Variants in P2RY10 observed in about 807,000 individuals in gnomAD.
The protein encoded by P2RY10 is P2Y receptor family member 10, also known as putative P2Y purinoceptor 10.
In P2RY10, 4 loss-of-function variants were observed where a neutral mutation model predicts 12.1. The ratio of observed to expected loss-of-function variants is 0.33; its 90% CI spans 0.16 to 0.76. P2RY10 has a LOEUF of 0.76. Among genes scored for constraint, P2RY10 ranks in the 30% least tolerant of loss-of-function variants. The pLI, the probability that P2RY10 is intolerant of heterozygous loss-of-function variation, is 0.61. For missense variants in P2RY10, 233 were observed against 264.6 expected (o/e 0.88, Z 0.83); for synonymous variants, 112 against 94.1 (o/e 1.19, Z -1.10).
At chrX:78,951,851 G>T (rs1019636720) in intron 2 of P2RY10, among the ~76,000 whole-genome samples, 1 of 111,434 alleles carries the variant, frequency 9.0e-6, no homozygotes, top group Non-Finnish European at 1.9e-5. Context: ...TTGCTGCAAA[G>T]ATCATCCCAT....
chrX:78,950,170 G>A (rs1922043379), intron 2 of P2RY10, among the ~76,000 whole-genome samples: 1 of 111,214 alleles, frequency 9.0e-6, no homozygotes, highest in Admixed American at 9.6e-5. Flanking sequence ...CTGATGAGTG[G>A]TGAAAAGACA....
chrX:78,963,691 G>GA lies in P2RY10; in HGVS notation c.*2156dup, dbSNP rs1922746460. On this transcript the variant is annotated 3_prime_UTR_variant, in exon 4 of 4. Transcript: ENST00000171757. ...TGTGAATCTCTAATGTGGTGAGAGA[G>GA]AAAAACATAAAAATATAAAAACATT... Among the ~76,000 whole-genome samples the GA allele has an allele frequency of 8.9e-6, 1 of 111,930 alleles. No homozygotes were observed. The highest frequency in any genetic ancestry group is 1.9e-5 in the Non-Finnish European group (1 of 53,190).
At chrX:78,953,568 A>G (rs983875924) in intron 3 of P2RY10, among the ~76,000 whole-genome samples, 2 of 112,525 alleles carry the variant, frequency 1.8e-5, no homozygotes, top group Non-Finnish European at 3.7e-5. Flanking sequence ...TTCATGTTTT[A>G]TAAATGAAAT....
intron 3 of P2RY10, among the ~76,000 whole-genome samples, chrX:78,957,439 A>G (rs1383008235): frequency 9.2e-6 from 1 of 108,523 alleles, no homozygotes; most frequent in Non-Finnish European, 1.9e-5. Context: ...GAGGGAACAG[A>G]GAGAAGGAAT....
chrX:78,957,026 A>G (rs1260404735), intron 3 of P2RY10, among the ~76,000 whole-genome samples: 2 of 110,881 alleles, frequency 1.8e-5, no homozygotes, highest in Non-Finnish European at 3.8e-5. Context: ...TAGGATGGTG[A>G]CAGTAGAGGT....
In P2RY10 at chrX:78,951,831, T is replaced by C. The variant is rs776358084; in HGVS notation, c.-156-362T>C. Among the ~76,000 whole-genome samples, 9 of 111,659 alleles carry C rather than the reference T, an allele frequency of 8.1e-5. No homozygotes were observed. The East Asian group carries it at 1.7e-3, about 21-fold the overall frequency. ...GGGTTGTGACATAGGTAAATGTGTG[T>C]CATGGTCGTTTGCTGCAAAGATCAT... On this transcript the variant is annotated intron_variant, in intron 2 of 3. Transcript: ENST00000171757.
chrX:78,963,017 C>A lies in P2RY10; in HGVS notation c.*1477C>A, dbSNP rs1443757928. Among the ~76,000 whole-genome samples, 1 of 111,925 alleles carries A rather than the reference C, an allele frequency of 8.9e-6. No homozygotes were observed. The highest frequency in any genetic ancestry group is 1.9e-5 in the Non-Finnish European group (1 of 53,151). On this transcript the variant is annotated 3_prime_UTR_variant, in exon 4 of 4. Coordinates refer to ENST00000171757, the MANE Select transcript of P2RY10 (RefSeq NM_014499.4). ...GTCCTCTTTCTGACAATCTTTTTAT[C>A]TTATTTTTTTCAAACGTTGTGGTTG...
chrX:78,963,033 G>A lies in P2RY10; in HGVS notation c.*1493G>A, dbSNP rs914389010. On this transcript the variant is annotated 3_prime_UTR_variant, in exon 4 of 4. Coordinates refer to ENST00000171757, the MANE Select transcript of P2RY10 (RefSeq NM_014499.4). ...TCTTTTTATCTTATTTTTTTCAAAC[G>A]TTGTGGTTGTTGTTTCAGCACCATT... Among the ~76,000 whole-genome samples, 2 of 111,398 alleles carry A rather than the reference G, an allele frequency of 1.8e-5. No individual in the cohort carries two copies. Among genetic ancestry groups the A allele is most frequent in the Non-Finnish European group, 3.8e-5 (2 of 53,051 alleles).
chrX:78,951,990 C>T (rs1198263373), intron 2 of P2RY10, among the ~76,000 whole-genome samples: 2 of 111,706 alleles, frequency 1.8e-5, no homozygotes, highest in Non-Finnish European at 3.8e-5. Flanking sequence ...CATTCAGCTC[C>T]CACTTATAAG....
At position 78,960,397 on chromosome X, in the gene P2RY10, T is replaced by A. The variant is rs1479553057; in HGVS notation, c.-13-111T>A. 5 of 562,503 alleles carry A rather than the reference T, an allele frequency of 8.9e-6. No homozygotes were observed. The African/African-American group carries it at 9.4e-5, about 11-fold the overall frequency. 46.4% of individuals were successfully genotyped at this position (562,503 alleles called of 1,213,427 possible). A position where few individuals can be genotyped will look rare whatever the true frequency, so the allele number is the denominator to read the frequency against. On this transcript the variant is annotated intron_variant, in intron 3 of 3. Coordinates refer to ENST00000171757, the MANE Select transcript of P2RY10 (RefSeq NM_014499.4). ...CTCTAATTCTTTATATGTAAACATG[T>A]CTCTTCTAATTCTAATAGTCTGTGC...
rs1003576773 is a variant in P2RY10, at chrX:78,948,331, A to AAT, written c.-157+469_-157+470dup. On this transcript the variant is annotated intron_variant, in intron 2 of 3. Transcript: ENST00000171757. ...TCTTAGGGGATTTTCTAAATCCAGA[A>AAT]ATGTACAGGATCCAACCAAAGGCCC... Among the ~76,000 whole-genome samples, 3 of 112,064 alleles carry AAT rather than the reference A, an allele frequency of 2.7e-5. No homozygotes were observed. The Admixed American group carries it at 2.8e-4, about 11-fold the overall frequency.
intron 3 of P2RY10, among the ~76,000 whole-genome samples, chrX:78,955,520 G>A (rs1359311852): frequency 8.9e-6 from 1 of 112,142 alleles, no homozygotes; most frequent in Non-Finnish European, 1.9e-5. Context: ...GAAGTAAGAG[G>A]CTTGGTAACA....
At chrX:78,957,179 G>A (rs1243271476) in intron 3 of P2RY10, among the ~76,000 whole-genome samples, 3 of 109,673 alleles carry the variant, frequency 2.7e-5, no homozygotes, top group Non-Finnish European at 5.7e-5. Context: ...GGGGAGTCAG[G>A]TCACTGACTG....
At chrX:78,947,647 A>G (rs769997256) in intron 1 of P2RY10, among the ~76,000 whole-genome samples, 168 bp from the exon 2 acceptor site, 9 of 111,753 alleles carry the variant, frequency 8.1e-5, no homozygotes, top group African/African-American at 1.3e-4. Context: ...TAGCAATCCA[A>G]TGATTTGAGT....
chrX:78,954,132 C>A (rs1273124630), intron 3 of P2RY10, among the ~76,000 whole-genome samples: 1 of 111,921 alleles, frequency 8.9e-6, no homozygotes, highest in Non-Finnish European at 1.9e-5. Flanking sequence ...CTGGGCATCC[C>A]AATGTGCTGG....
At chrX:78,956,729 G>C (rs1363665060) in intron 3 of P2RY10, among the ~76,000 whole-genome samples, 2 of 111,509 alleles carry the variant, frequency 1.8e-5, no homozygotes, top group Non-Finnish European at 3.8e-5. Flanking sequence ...AAAGGAACCA[G>C]AGATGTGAAT....
Position 78,961,302 on chromosome X carries a change from T to A in P2RY10, c.782T>A (p.Ile261Asn). 1.7e-6 allele frequency: 2 copies of A among 1,209,379 alleles called. No individual in the cohort carries two copies. The highest frequency in any genetic ancestry group is 2.2e-6 in the Non-Finnish European group (2 of 893,513). Reference sequence around the variant, plus strand: ...TTCATCTGCTTCACTCCCTATCATATTAACTTTATTTTTTACACCATGGTA... The same window carrying A: ...TTCATCTGCTTCACTCCCTATCATAATAACTTTATTTTTTACACCATGGTA... ...VFFICFTPYH[I>N]NFIFYTMVKE... The change falls in exon 4 of 4, where the codon ATT becomes AAT. Residue 261 changes from isoleucine to asparagine, a missense_variant. By Grantham distance (149) the Ile-to-Asn change is moderately radical (BLOSUM62 -3). Transcript: ENST00000171757.
At chrX:78,948,753 T>C (rs1410696920) in intron 2 of P2RY10, among the ~76,000 whole-genome samples, 3 of 112,108 alleles carry the variant, frequency 2.7e-5, no homozygotes, top group Non-Finnish European at 3.8e-5. Context: ...TTACTTAGAA[T>C]AGTGGACTCC....
rs777260298 is a variant in P2RY10, at chrX:78,960,661, T to C, written c.141T>C (p.Pro47=). 1.7e-6 allele frequency: 2 copies of C among 1,211,619 alleles called. No individual in the cohort carries two copies. The highest frequency in any genetic ancestry group is 1.1e-6 in the Non-Finnish European group (1 of 895,263). The change falls in exon 4 of 4, where the codon CCT becomes CCC. Residue 47 remains proline (P), a synonymous_variant. Coordinates refer to ENST00000171757, the MANE Select transcript of P2RY10 (RefSeq NM_014499.4). ...CCACCTATATCCTCATATTCATTCCTGGTCTTCTGGCTAACAGTGCAGCCT... is the reference window on the plus strand; with the variant it reads ...CCACCTATATCCTCATATTCATTCCCGGTCTTCTGGCTAACAGTGCAGCCT... ...YATTYILIFI[P]GLLANSAALW...
Sources: gnomAD v4.1 joint callset for allele counts (sites outside exome capture counted in the v4.1 genomes callset) on GRCh38, gnomAD v4.1.1 for gene constraint, MANE v1.5 for transcripts, NCBI Gene and HGNC (gene_info 2026-07-23, HGNC 2026-07-21) for gene names.